Variants in GLA observed in about 807,000 individuals in gnomAD.
GLA encodes the protein alpha-galactosidase A.
In GLA, 4 loss-of-function variants were observed where a neutral mutation model predicts 28.2. The observed-to-expected ratio is 0.14, with a 90% CI of 0.07 to 0.32. The LOEUF is 0.32. GLA is among the 10% of genes least tolerant of loss of function. The pLI is 1.00. For synonymous variants in GLA, 94 were observed against 113.0 expected, an observed-to-expected ratio of 0.83 and a Z score of 1.07; for missense variants, 203 against 323.7, an observed-to-expected ratio of 0.63 and a Z score of 2.86.
chrX:101,400,607 T>C (rs869312357), intron 4 of GLA, 59 bp downstream of exon 4: 10 of 666,320 alleles, frequency 1.5e-5, no homozygotes, highest in Middle Eastern at 3.1e-4. Flanking sequence ...TTGGTTTCCT[T>C]TGTTGTCAAG....
At chrX:101,404,694 C>T (rs1044131025) in intron 1 of GLA, among the ~76,000 whole-genome samples, 2 of 107,681 alleles carry the variant, frequency 1.9e-5, no homozygotes, top group Non-Finnish European at 3.8e-5. Flanking sequence ...CTCAGCCTCC[C>T]GAGTAGCTGA....
intron 1 of GLA, among the ~76,000 whole-genome samples, chrX:101,405,254 G>GA (rs1174692747): frequency 7.6e-5 from 7 of 92,509 alleles, no homozygotes; most frequent in African/African-American, 2.5e-4. Context: ...AAAAAAAAAA[G>GA]AAAAAAAAGA....
At chrX:101,406,451 C>T (rs782682531) in intron 1 of GLA, among the ~76,000 whole-genome samples, 3 of 110,456 alleles carry the variant, frequency 2.7e-5, no homozygotes, top group African/African-American at 6.6e-5. Flanking sequence ...GGTGGTGGAA[C>T]GGTGGGGGGA....
rs782188157 is a variant in GLA at position 101,407,727 on chromosome X, C to T, written c.177G>A (p.Glu59=). The T allele has an allele frequency of 6.6e-6, 8 of 1,207,969 alleles. No individual in the cohort carries two copies. Among genetic ancestry groups the T allele is most frequent in the Non-Finnish European group, 9.0e-6 (8 of 893,112 alleles). Residue 59 remains glutamate (E), a synonymous_variant, in exon 1 of 7, where the codon GAG becomes GAA. Transcript: ENST00000218516. The part of the protein sequence containing the change: ...RFMCNLDCQE[E]PDSCISEKLF... ...TCTGATACCTGATGCAGGAATCTGGCTCTTCCTGGCAGTCAAGGTTGCACA... is the reference window on the plus strand; with the variant it reads ...TCTGATACCTGATGCAGGAATCTGGTTCTTCCTGGCAGTCAAGGTTGCACA...
intron 2 of GLA, among the ~76,000 whole-genome samples, chrX:101,402,153 T>C (rs902742755): frequency 8.9e-6 from 1 of 112,474 alleles, no homozygotes; most frequent in Non-Finnish European, 1.9e-5. Flanking sequence ...CAAACTTTAG[T>C]TAGACTTCTC....
At chrX:101,403,457 C>A (rs56058725) in intron 2 of GLA, among the ~76,000 whole-genome samples, 6,833 of 104,137 alleles carry the variant, frequency 0.066, 625 homozygotes, top group African/African-American at 0.23. Context: ...GATGGAGTTT[C>A]TCTTTTGTTG....
rs869312143 is a variant in GLA at position 101,401,718 on chromosome X, A to G, written c.461T>C (p.Ile154Thr). The G allele has an allele frequency of 8.3e-7, 1 of 1,207,250 alleles. No individual in the cohort carries two copies. The highest frequency in any genetic ancestry group is 1.1e-6 in the Non-Finnish European group (1 of 891,387). ...CCAGTCAGCAAAGGTCTGGGCATCA[A>G]TGTCGTAGTATCCAAAACTCCCAGG... ...GFPGSFGYYD[I>T]DAQTFADWGV... Residue 154 changes from isoleucine to threonine, a missense_variant, in exon 3 of 7, where the codon ATT (isoleucine) becomes ACT (threonine). Ile to Thr is a moderately conservative substitution (Grantham distance 89, BLOSUM62 -1). Around this residue, in one of 3 missense-constraint regions of GLA, gnomAD observed 162 missense variants for 246.8 expected, o/e 0.66. Coordinates refer to ENST00000218516, the MANE Select transcript of GLA (RefSeq NM_000169.3).
Position 101,398,583 on chromosome X carries a change from A to T in GLA, c.802-16T>A. The T allele has an allele frequency of 8.5e-7, 1 of 1,177,960 alleles. No individual in the cohort carries two copies. Among genetic ancestry groups the T allele is most frequent in the Non-Finnish European group, 1.2e-6 (1 of 865,097 alleles). ...CAATCACTAACTGAGAAAAAGAATG[A>T]AATAATTCAAACAAGAGAGGAGGAA... is the stretch of plus-strand genomic sequence containing the variant. On this transcript the variant is annotated splice_polypyrimidine_tract_variant and intron_variant, in intron 5 of 6. Transcript: ENST00000218516.
chrX:101,406,567 C>G (rs1332569785), intron 1 of GLA, among the ~76,000 whole-genome samples: 1 of 111,424 alleles, frequency 9.0e-6, no homozygotes, highest in Non-Finnish European at 1.9e-5. Context: ...CCGTGATGGG[C>G]AAAATTGCCA....
chrX:101,402,497 G>A (rs1555985975), intron 2 of GLA, among the ~76,000 whole-genome samples: 3 of 112,424 alleles, frequency 2.7e-5, no homozygotes, highest in Non-Finnish European at 5.6e-5. Context: ...GGGCGTGGTG[G>A]CTCATGCCTG....
chrX:101,398,290 G>T, intron 6 of GLA, 80 bp downstream of exon 6: 2 of 836,308 alleles, frequency 2.4e-6, no homozygotes, highest in Non-Finnish European at 1.8e-6. Flanking sequence ...TCAAGAGCAA[G>T]GGAAAAAAAT....
At chrX:101,401,480 AAG>A in intron 3 of GLA, 150 bp downstream of exon 3, 1 of 537,587 alleles carries the variant, frequency 1.9e-6, no homozygotes, top group Non-Finnish European at 3.4e-6. Context: ...AATGAACTGA[AAG>A]AGAAGAGATG....
rs1603041498 is a variant in GLA at position 101,401,113 on chromosome X, G to C, written c.548-356C>G. ...AGCCTCCCAAAGTGCTAGGATTACAGGCATGAGCCATCATGCCCAGCTGGG... is the reference window on the plus strand; with the variant it reads ...AGCCTCCCAAAGTGCTAGGATTACACGCATGAGCCATCATGCCCAGCTGGG... On this transcript the variant is annotated intron_variant, in intron 3 of 6. Transcript: ENST00000218516. 2.1e-5 allele frequency: 4 copies of C among 186,891 alleles called. 1 individual carries two copies. The Admixed American group carries it at 2.9e-4, about 13-fold the overall frequency. The allele number at this position is 186,891 out of a possible 1,213,427, so 15.4% of individuals were successfully genotyped here.
intron 1 of GLA, among the ~76,000 whole-genome samples, chrX:101,407,435 GAAGAGA>G (rs1357059322): frequency 6.7e-5 from 7 of 104,618 alleles, no homozygotes; most frequent in Admixed American, 1.1e-4. Flanking sequence ...AGAGAGGAAA[GAAGAGA>G]AAGAGAAAGA....
intron 2 of GLA, among the ~76,000 whole-genome samples, chrX:101,403,102 A>G (rs1224732691): frequency 9.1e-6 from 1 of 109,550 alleles, no homozygotes; most frequent in Non-Finnish European, 1.9e-5. Flanking sequence ...GATCGAGACC[A>G]TCTTGGCTAA....
Position 101,398,962 on chromosome X carries a change from T to C in GLA, c.640-16A>G, listed in dbSNP as rs2071397. On this transcript the variant is annotated splice_polypyrimidine_tract_variant and intron_variant, in intron 4 of 6. Transcript: ENST00000218516. ...TATAATTGGGCTGTGAAAACAGATA[T>C]GACTCTTCTGTTTACTTTCTACTAA... The C allele has an allele frequency of 0.13, 154,163 of 1,180,033 alleles. 7,341 individuals carry two copies. Among genetic ancestry groups the C allele is most frequent in the South Asian group, 0.31 (17,214 of 56,059 alleles).
rs1555984776 is a variant in GLA at position 101,397,931 on chromosome X, C to T, written c.1168G>A (p.Val390Met). 2.5e-6 allele frequency: 3 copies of T among 1,211,186 alleles called. No individual in the cohort carries two copies. The highest frequency in any genetic ancestry group is 1.8e-5 in the South Asian group (1 of 57,016). The part of the protein sequence containing the change: ...PACFITQLLP[V>M]KRKLGFYEWT... ...TCATAGAACCCTAGCTTCCTTTTCACAGGGAGGAGCTGTGTGATGAAGCAG... is the reference window on the plus strand; with the variant it reads ...TCATAGAACCCTAGCTTCCTTTTCATAGGGAGGAGCTGTGTGATGAAGCAG... The change falls in exon 7 of 7, where the codon GTG becomes ATG. Residue 390 changes from valine to methionine, a missense_variant. Transcript: ENST00000218516.
intron 5 of GLA, 22 bp downstream of exon 5, chrX:101,398,763 C>G: frequency 8.3e-7 from 1 of 1,205,304 alleles, no homozygotes; most frequent in South Asian, 1.8e-5. Flanking sequence ...GGGTCTTGAA[C>G]AAGGAGGGCT....
chrX:101,407,669 CAT>C lies in GLA; in HGVS notation c.194+39_194+40del, dbSNP rs782323526. On this transcript the variant is annotated intron_variant, in intron 1 of 6. Transcript: ENST00000218516. ...CCAGTTCCCCAAACACACCCAAACA[CAT>C]GGAAAAGCAAAGGGAAGGGAGTACC... The C allele has an allele frequency of 2.6e-5, 30 of 1,136,113 alleles. 1 individual carries two copies. Among genetic ancestry groups the C allele is most frequent in the Admixed American group, 1.5e-4 (7 of 45,741 alleles). The allele number at this position is 1,136,113 out of a possible 1,213,427, so 93.6% of individuals were successfully genotyped here. A position where few individuals can be genotyped will look rare whatever the true frequency, so the allele number is the denominator to read the frequency against.
Sources: allele counts gnomAD v4.1 joint callset (sites outside exome capture counted in the v4.1 genomes callset), GRCh38; gene constraint gnomAD v4.1.1; regional missense constraint gnomAD v4.1.1; transcripts MANE v1.5; gene names NCBI Gene and HGNC (gene_info 2026-07-23, HGNC 2026-07-21).